The following NXPE3 variants were observed in gnomAD, a reference collection of about 807,000 sequenced individuals.
The protein encoded by NXPE3 is NXPE family member 3.
In NXPE3, 26 loss-of-function variants were observed where a neutral mutation model predicts 46.1. That is an observed-to-expected ratio of 0.56 (90% CI 0.41 to 0.78). The LOEUF is 0.78. NXPE3 is among the 30% of genes least tolerant of loss of function. The pLI, the probability that NXPE3 is intolerant of heterozygous loss-of-function variation, is 0.00. For missense variants in NXPE3, 620 were observed against 686.0 expected, an observed-to-expected ratio of 0.90 and a Z score of 1.07; for synonymous variants, 272 against 257.9, an observed-to-expected ratio of 1.05 and a Z score of -0.52.
At chr3:101,805,855 G>A (rs1238738027) in intron 5 of NXPE3, among the ~76,000 whole-genome samples, 1 of 151,784 alleles carries the variant, frequency 6.6e-6, no homozygotes, top group East Asian at 1.9e-4. Flanking sequence ...AGGAAATTAT[G>A]TTTTTGTAAG....
At chr3:101,808,969 A>T (rs1941583941) in intron 6 of NXPE3, among the ~76,000 whole-genome samples, 1 of 151,426 alleles carries the variant, frequency 6.6e-6, no homozygotes, top group African/African-American at 2.4e-5. Context: ...CGACATCTTC[A>T]GGAGGCCCTG....
At chr3:101,798,411 G>T (rs569469521) in intron 4 of NXPE3, among the ~76,000 whole-genome samples, 3 of 151,850 alleles carry the variant, frequency 2.0e-5, no homozygotes, top group East Asian at 1.9e-4. Context: ...TAAGCACAGG[G>T]TCTCACTCTG....
At chr3:101,811,363 T>C (rs1255024726) in intron 6 of NXPE3, among the ~76,000 whole-genome samples, 3 of 152,228 alleles carry the variant, frequency 2.0e-5, no homozygotes, top group Non-Finnish European at 2.9e-5. Flanking sequence ...ATTTAGAACA[T>C]ATAGGATGTT....
rs1280206610 is a variant in NXPE3 at position 101,822,668 on chromosome 3, G to A, written c.*714G>A. On this transcript the variant is annotated 3_prime_UTR_variant, in exon 8 of 8. Transcript: ENST00000273347. ...TTTATTTGATTCAGCTAAATTTTATGTGTTGAATACTTACTCTAGAATAAC... is the reference window on the plus strand; with the variant it reads ...TTTATTTGATTCAGCTAAATTTTATATGTTGAATACTTACTCTAGAATAAC... 1 of 152,138 alleles carries A rather than the reference G, an allele frequency of 6.6e-6. No homozygotes were observed. Among genetic ancestry groups the A allele is most frequent in the Non-Finnish European group, 1.5e-5 (1 of 68,018 alleles). 9.4% of individuals were successfully genotyped at this position (152,138 alleles called of 1,614,324 possible).
intron 3 of NXPE3, among the ~76,000 whole-genome samples, chr3:101,785,136 A>G (rs1319099112): frequency 6.6e-6 from 1 of 152,254 alleles, no homozygotes; most frequent in Non-Finnish European, 1.5e-5. Context: ...GAGTTTGAAG[A>G]CATACTTCCT....
intron 4 of NXPE3, among the ~76,000 whole-genome samples, chr3:101,800,490 T>C (rs890173655): frequency 6.6e-6 from 1 of 152,220 alleles, no homozygotes; most frequent in African/African-American, 2.4e-5. Context: ...GAGCTTGATA[T>C]GAAGTAGTTT....
At chr3:101,806,986 A>G (rs1335852400) in intron 5 of NXPE3, 67 bp from the exon 6 acceptor site, 6 of 1,058,936 alleles carry the variant, frequency 5.7e-6, no homozygotes, top group East Asian at 4.7e-5. Flanking sequence ...TCATTTGCCA[A>G]TAAAGACATA....
rs764354286 is a variant in NXPE3, at chr3:101,821,734, A to G, written c.1460A>G (p.Gln487Arg). The change falls in exon 8 of 8, where the codon CAA becomes CGA. Residue 487 changes from glutamine (Q) to arginine (R), a missense_variant. This residue lies in a region of NXPE3 where 75 missense variants were observed against 121.1 expected (regional missense o/e 0.62). Transcript: ENST00000273347. ...GTGGTCATCCGGACGGCCAACGCCC[A>G]AGAGCTGGGACCTGAGGTGAGCCTT... Reference protein sequence around the residue: ...TVVVIRTANAQELGPEVSLFN... With the variant: ...TVVVIRTANARELGPEVSLFN... The G allele has an allele frequency of 1.2e-6, 2 of 1,614,228 alleles. No individual in the cohort carries two copies. The highest frequency in any genetic ancestry group is 2.2e-5 in the East Asian group (1 of 44,892).
At chr3:101,805,101 C>T (rs1436627217) in intron 5 of NXPE3, among the ~76,000 whole-genome samples, 4 of 152,154 alleles carry the variant, frequency 2.6e-5, no homozygotes. Flanking sequence ...CCCTGAACCA[C>T]CTGAGAGTAT....
intron 6 of NXPE3, among the ~76,000 whole-genome samples, chr3:101,813,510 C>A (rs912913700): frequency 6.6e-6 from 1 of 152,138 alleles, no homozygotes; most frequent in African/African-American, 2.4e-5. Context: ...TGGCGTGACA[C>A]CCTTTGGAGG....
chr3:101,796,287 C>T (rs1477169006), intron 4 of NXPE3, among the ~76,000 whole-genome samples: 3 of 152,216 alleles, frequency 2.0e-5, no homozygotes, highest in Non-Finnish European at 2.9e-5. Context: ...GTTATGATGG[C>T]TTGAGGAGTG....
chr3:101,781,487 C>T (rs1939820330), intron 1 of NXPE3, among the ~76,000 whole-genome samples: 2 of 152,162 alleles, frequency 1.3e-5, no homozygotes, highest in South Asian at 4.1e-4. Flanking sequence ...GTTGTTGTCA[C>T]AGGCCATAAA....
In NXPE3 at chr3:101,801,971, A is replaced by G. The variant is rs1164013292; in HGVS notation, c.830A>G (p.Glu277Gly). The G allele has an allele frequency of 2.5e-6, 4 of 1,608,816 alleles. No individual in the cohort carries two copies. The African/African-American group carries it at 5.4e-5, about 22-fold the overall frequency. The part of the protein sequence containing the change: ...GYLKGLLTAA[E>G]SAFFQSGVNI... ...CTGAAAGGTCTCCTAACCGCTGCAGAGAGTGCTTTCTTCCAGAGGTATGTA... is the reference window on the plus strand; with the variant it reads ...CTGAAAGGTCTCCTAACCGCTGCAGGGAGTGCTTTCTTCCAGAGGTATGTA... Residue 277 changes from glutamate (E) to glycine (G), a missense_variant, in exon 5 of 8, where the codon GAG becomes GGG. Transcript: ENST00000273347.
chr3:101,791,022 G>T (rs1940486895), intron 4 of NXPE3, among the ~76,000 whole-genome samples: 1 of 152,124 alleles, frequency 6.6e-6, no homozygotes, highest in African/African-American at 2.4e-5. Flanking sequence ...ATATGTCAGT[G>T]GGGGTTTGTG....
chr3:101,790,781 A>G (rs1050353638), intron 4 of NXPE3, among the ~76,000 whole-genome samples: 13 of 151,808 alleles, frequency 8.6e-5, no homozygotes, highest in Non-Finnish European at 1.8e-4. Context: ...TTCTTTTTAG[A>G]TACGGGGTTT....
chr3:101,802,240 C>T (rs572835926), intron 5 of NXPE3, among the ~76,000 whole-genome samples: 1 of 152,306 alleles, frequency 6.6e-6, no homozygotes, highest in East Asian at 1.9e-4. Flanking sequence ...TCTTTACCCT[C>T]ATATCTGTGT....
intron 3 of NXPE3, among the ~76,000 whole-genome samples, chr3:101,784,267 G>A (rs1419750501): frequency 1.3e-5 from 2 of 152,092 alleles, no homozygotes; most frequent in Non-Finnish European, 2.9e-5. Flanking sequence ...TGAGAGATAA[G>A]AAATACAAAT....
Position 101,801,728 on chromosome 3 carries a change from T to G in NXPE3, c.587T>G (p.Val196Gly). ...GTCCACCCCAGTGAAGGGATCAGAG[T>G]TCTTCAGCGCTTACAGGAAGATAAA... The part of the protein sequence containing the change: ...SLVHPSEGIR[V>G]LQRLQEDKPD... The change falls in exon 5 of 8, where the codon GTT becomes GGT. Residue 196 changes from valine (V) to glycine (G), a missense_variant. Val to Gly is a moderately radical substitution (Grantham distance 109, BLOSUM62 -3). This residue lies in a region of NXPE3 where 511 missense variants were observed against 528.6 expected (regional missense o/e 0.97). Coordinates refer to ENST00000273347, the MANE Select transcript of NXPE3 (RefSeq NM_145037.4). 1 of 1,614,060 alleles carries G rather than the reference T, an allele frequency of 6.2e-7. No homozygotes were observed. The highest frequency in any genetic ancestry group is 8.5e-7 in the Non-Finnish European group (1 of 1,179,994).
rs1941995198 is a variant in NXPE3 at position 101,816,867 on chromosome 3, G to A, written c.995G>A (p.Arg332Lys). The stretch of plus-strand genomic sequence containing the variant: ...GGGTATTATTATAAAGACCAGTGGA[G>A]GCCCAGAAAGTTTAAGATGCGTCAG... ...PSGYYYKDQW[R>K]PRKFKMRQFN... Residue 332 changes from arginine to lysine, a missense_variant, in exon 7 of 8, where the codon AGG becomes AAG. By Grantham distance (26) the Arg-to-Lys change is conservative (BLOSUM62 2). Transcript: ENST00000273347. The A allele has an allele frequency of 3.1e-6, 5 of 1,613,956 alleles. No homozygotes were observed. The highest frequency in any genetic ancestry group is 2.2e-5 in the East Asian group (1 of 44,880).
Sources: gnomAD v4.1 joint callset for allele counts (sites outside exome capture counted in the v4.1 genomes callset) on GRCh38, gnomAD v4.1.1 for gene constraint, gnomAD v4.1.1 regional missense constraint, MANE v1.5 for transcripts, NCBI Gene and HGNC (gene_info 2026-07-23, HGNC 2026-07-21) for gene names.